Variants in ERC1 observed in about 807,000 individuals in gnomAD.
ERC1 encodes ELKS/RAB6-interacting/CAST family member 1, also known as RAB6 interacting protein 2.
A neutral mutation model predicts 132.0 loss-of-function variants in ERC1; 56 were observed. The observed-to-expected ratio is 0.42, with a 90% CI of 0.34 to 0.53. ERC1 has a LOEUF of 0.53. Ranked by LOEUF, ERC1 falls within the 20% of genes least tolerant of loss-of-function variation. The pLI is 0.03. For missense variants in ERC1, 1,202 were observed against 1,349.9 expected (o/e 0.89, Z 1.72); for synonymous variants, 478 against 476.1 (o/e 1.00, Z -0.05).
At chr12:1,084,480 A>G (rs1942679885) in intron 3 of ERC1, among the ~76,000 whole-genome samples, 2 of 152,128 alleles carry the variant, frequency 1.3e-5, no homozygotes, top group Non-Finnish European at 1.5e-5. Flanking sequence ...CTTTTGTAAA[A>G]AGTCTGAAAT....
chr12:1,261,577 C>T (rs541692996), intron 13 of ERC1, among the ~76,000 whole-genome samples: 2 of 152,260 alleles, frequency 1.3e-5, no homozygotes, highest in East Asian at 1.9e-4. Context: ...TCTCTGCGCG[C>T]GGCGTCCCTT....
intron 3 of ERC1, among the ~76,000 whole-genome samples, chr12:1,094,095 C>T (rs140481221): frequency 0.07 from 10,358 of 148,362 alleles, 497 homozygotes; most frequent in Admixed American, 0.15. Flanking sequence ...CTCAGCTCAC[C>T]GCAACCTCCG....
At chr12:1,066,924 T>G (rs896987852) in intron 2 of ERC1, among the ~76,000 whole-genome samples, 4 of 152,090 alleles carry the variant, frequency 2.6e-5, no homozygotes, top group African/African-American at 9.7e-5. Flanking sequence ...AGTTTTAAGT[T>G]TTGTAGTTGA....
At chr12:1,145,523 G>A (rs115141896) in intron 8 of ERC1, among the ~76,000 whole-genome samples, 3,363 of 152,166 alleles carry the variant, frequency 0.022, 115 homozygotes, top group African/African-American at 0.075. Context: ...CAATTCTGTA[G>A]GTTGTCTGTT....
chr12:1,105,509 CACCACGCCCAGCT>C (rs1451868533), intron 4 of ERC1, among the ~76,000 whole-genome samples: 1 of 152,134 alleles, frequency 6.6e-6, no homozygotes, highest in Non-Finnish European at 1.5e-5. Context: ...AGGCGCCTGC[CACCACGCCCAGCT>C]AATTTTTTGT....
chr12:1,476,180 C>T (rs562932286), intron 18 of ERC1, among the ~76,000 whole-genome samples: 5 of 151,172 alleles, frequency 3.3e-5, no homozygotes, highest in East Asian at 2.0e-4. Flanking sequence ...GGCATGAACC[C>T]GGGAGGCAGA....
intron 16 of ERC1, among the ~76,000 whole-genome samples, chr12:1,394,222 A>C (rs532116667): frequency 1.3e-5 from 2 of 150,744 alleles, no homozygotes; most frequent in East Asian, 4.0e-4. Context: ...AACACGGTGA[A>C]ACCCCATCTC....
chr12:1,020,532 A>G (rs936518187), intron 1 of ERC1: 4 of 152,250 alleles, frequency 2.6e-5, no homozygotes, highest in Non-Finnish European at 4.4e-5. Context: ...GACTCAGGGT[A>G]TCTAGTGAGG....
chr12:1,192,427 C>A lies in ERC1; in HGVS notation c.2351+2375C>A, dbSNP rs191799031. 5.3e-4 allele frequency among the ~76,000 whole-genome samples: 81 copies of A among 152,306 alleles called. 2 individuals are homozygous for A. In the Middle Eastern group the frequency reaches 0.01, roughly 19 times the overall value. On this transcript the variant is annotated intron_variant, in intron 12 of 18. Coordinates refer to ENST00000360905, the MANE Select transcript of ERC1 (RefSeq NM_178040.4). The stretch of plus-strand genomic sequence containing the variant: ...TGTGGCTGCTGTGTTTCTTACTAAT[C>A]ATTTGCTTCCTATGTTGCCATTCCA...
chr12:1,331,224 A>G (rs1042117526), intron 15 of ERC1, among the ~76,000 whole-genome samples: 1 of 152,042 alleles, frequency 6.6e-6, no homozygotes. Context: ...TTTTAATTTT[A>G]CCTGTTTTGT....
chr12:1,045,758 A>G (rs928176893), intron 2 of ERC1, among the ~76,000 whole-genome samples: 1 of 152,178 alleles, frequency 6.6e-6, no homozygotes, highest in African/African-American at 2.4e-5. Flanking sequence ...AAAAATTAAT[A>G]TTCAGTCATT....
intron 16 of ERC1, chr12:1,386,850 A>G (rs1252369260): frequency 6.6e-6 from 1 of 152,094 alleles, no homozygotes; most frequent in Non-Finnish European, 1.5e-5. Context: ...TTCTGACAGT[A>G]TTGATTAATT....
chr12:1,324,216 C>T (rs910719255), intron 15 of ERC1, among the ~76,000 whole-genome samples: 34 of 152,058 alleles, frequency 2.2e-4, no homozygotes, highest in African/African-American at 8.0e-4. Context: ...CTGGAGAAGG[C>T]AAAAAGGCCA....
At chr12:1,169,372 T>C (rs2154265049) in intron 8 of ERC1, among the ~76,000 whole-genome samples, 1 of 152,308 alleles carries the variant, frequency 6.6e-6, no homozygotes, top group Non-Finnish European at 1.5e-5. Flanking sequence ...GATTGATCCT[T>C]ATGAGGTGCC....
At chr12:1,484,729 C>T (rs1005320750) in intron 18 of ERC1, among the ~76,000 whole-genome samples, 1 of 151,966 alleles carries the variant, frequency 6.6e-6, no homozygotes, top group South Asian at 2.1e-4. Context: ...AGGTGCACGC[C>T]ACCATGCCCG....
intron 16 of ERC1, among the ~76,000 whole-genome samples, chr12:1,397,078 T>C (rs2090605886): frequency 6.6e-6 from 1 of 152,190 alleles, no homozygotes; most frequent in Non-Finnish European, 1.5e-5. Context: ...GAAAGAAATG[T>C]ACATGGTCCT....
At chr12:1,165,741 G>T (rs555897657) in intron 8 of ERC1, among the ~76,000 whole-genome samples, 8 of 152,178 alleles carry the variant, frequency 5.3e-5, no homozygotes, top group Admixed American at 5.2e-4. Flanking sequence ...TTCACAATTC[G>T]TTGATGGATA....
intron 18 of ERC1, among the ~76,000 whole-genome samples, chr12:1,477,493 G>C (rs1393855149): frequency 1.3e-5 from 2 of 152,186 alleles, no homozygotes; most frequent in Non-Finnish European, 2.9e-5. Flanking sequence ...AGAAATGTTG[G>C]GGCAGGCAGA....
chr12:1,291,040 C>T (rs1321043432), intron 15 of ERC1, among the ~76,000 whole-genome samples: 1 of 152,162 alleles, frequency 6.6e-6, no homozygotes, highest in East Asian at 1.9e-4. Context: ...TTTTCTGCTA[C>T]TTTGAACTAT....
Sources: allele counts gnomAD v4.1 joint callset (sites outside exome capture counted in the v4.1 genomes callset), GRCh38; gene constraint gnomAD v4.1.1; transcripts MANE v1.5; gene names NCBI Gene and HGNC (gene_info 2026-07-23, HGNC 2026-07-21).